The following SMAD9 variants were observed in gnomAD, a reference collection of about 807,000 sequenced individuals.
SMAD9 encodes MAD homolog 9.
Under a neutral mutation model 46.1 loss-of-function variants are expected in SMAD9, and 36 were observed. The observed-to-expected ratio is 0.78, with a 90% CI of 0.60 to 1.03. The LOEUF is 1.03. SMAD9 is among the 50% of genes least tolerant of loss of function. The probability of loss-of-function intolerance (pLI) is 0.00; values close to 1 mark genes in which losing one functional copy is unlikely to be tolerated. For missense variants in SMAD9, 572 were observed against 599.8 expected (o/e 0.95, Z 0.48); for synonymous variants, 245 against 237.1 (o/e 1.03, Z -0.31).
chr13:36,869,860 G>A lies in SMAD9; in HGVS notation c.671-2477C>T, dbSNP rs542257053. Among the ~76,000 whole-genome samples, 341 of 151,972 alleles carry A rather than the reference G, an allele frequency of 2.2e-3. 1 individual carries two copies. The highest frequency in any genetic ancestry group is 8.0e-3 in the African/African-American group (331 of 41,470). On this transcript the variant is annotated intron_variant, in intron 3 of 6. Coordinates refer to ENST00000379826, the MANE Select transcript of SMAD9 (RefSeq NM_001127217.3). Reference sequence around the variant, plus strand: ...AAAAAAATGGTTAAACAAATTTTGTGTTAGATATATTTCACCACTACTTGA... The same window carrying A: ...AAAAAAATGGTTAAACAAATTTTGTATTAGATATATTTCACCACTACTTGA...
At position 36,920,190 on chromosome 13, in the gene SMAD9, G is replaced by GGCA. The variant is rs1321757635; in HGVS notation, c.-262_-261insTGC. The GGCA allele has an allele frequency of 3.0e-4, 8 of 27,092 alleles. No homozygotes were observed. Among genetic ancestry groups the GGCA allele is most frequent in the African/African-American group, 7.5e-4 (8 of 10,730 alleles). 1.7% of individuals were successfully genotyped at this position (27,092 alleles called of 1,614,324 possible). A position where few individuals can be genotyped will look rare whatever the true frequency, so the allele number is the denominator to read the frequency against. On this transcript the variant is annotated 5_prime_UTR_variant, in exon 1 of 7. Transcript: ENST00000379826. ...GGACCGAGACAGCGGCTGCAGCAGC[G>GGCA]GCGGCGGCGGCGGCGGCGGCGGCGG...
At position 36,845,855 on chromosome 13, in the gene SMAD9, T is replaced by C. The variant is rs2058035392; in HGVS notation, c.*2821A>G. On this transcript the variant is annotated 3_prime_UTR_variant, in exon 7 of 7. Coordinates refer to ENST00000379826, the MANE Select transcript of SMAD9 (RefSeq NM_001127217.3). ...GCTTTTGATGAGACATGACTGGTGATGATCATATGTGCCAATTTAATAATT... is the reference window on the plus strand; with the variant it reads ...GCTTTTGATGAGACATGACTGGTGACGATCATATGTGCCAATTTAATAATT... 2 of 152,238 alleles carry C rather than the reference T, an allele frequency of 1.3e-5. No homozygotes were observed. Among genetic ancestry groups the C allele is most frequent in the South Asian group, 4.1e-4 (2 of 4,834 alleles). The allele number at this position is 152,238 out of a possible 1,614,324, so 9.4% of individuals were successfully genotyped here.
chr13:36,888,943 G>C (rs899330430), intron 1 of SMAD9, among the ~76,000 whole-genome samples: 14 of 152,088 alleles, frequency 9.2e-5, no homozygotes, highest in Non-Finnish European at 1.3e-4. Flanking sequence ...AGGGAACATG[G>C]CCAGAGGAGA....
intron 1 of SMAD9, among the ~76,000 whole-genome samples, chr13:36,888,712 A>G (rs1479636488): frequency 6.6e-6 from 1 of 152,150 alleles, no homozygotes; most frequent in African/African-American, 2.4e-5. Flanking sequence ...ACACTCCTAA[A>G]TATGTTTTGT....
In SMAD9 at chr13:36,920,203, G is replaced by GCGGCGGCGGTCC; in HGVS notation, c.-275_-274insGGACCGCCGCCG. On this transcript the variant is annotated 5_prime_UTR_variant, in exon 1 of 7. Coordinates refer to ENST00000379826, the MANE Select transcript of SMAD9 (RefSeq NM_001127217.3). ...GGCTGCAGCAGCGGCGGCGGCGGCG[G>GCGGCGGCGGTCC]CGGCGGCGGCGGCCCCAGCCGGCGT... 1 of 164,926 alleles carries GCGGCGGCGGTCC rather than the reference G, an allele frequency of 6.1e-6. No homozygotes were observed. Among genetic ancestry groups the GCGGCGGCGGTCC allele is most frequent in the Non-Finnish European group, 1.2e-5 (1 of 80,402 alleles). The allele number at this position is 164,926 out of a possible 1,614,324, so 10.2% of individuals were successfully genotyped here.
At chr13:36,911,389 A>C (rs1321470704) in intron 1 of SMAD9, among the ~76,000 whole-genome samples, 1 of 152,152 alleles carries the variant, frequency 6.6e-6, no homozygotes, top group Non-Finnish European at 1.5e-5. Context: ...CAATACAATA[A>C]ATTTCTTTGA....
Position 36,845,905 on chromosome 13 carries a change from C to T in SMAD9, c.*2771G>A, listed in dbSNP as rs931376176. On this transcript the variant is annotated 3_prime_UTR_variant, in exon 7 of 7. Coordinates refer to ENST00000379826, the MANE Select transcript of SMAD9 (RefSeq NM_001127217.3). Reference sequence around the variant, plus strand: ...TTATTTGTCACAGAAAATTCAGATTCACTGCAATATTGTGTTCTGGCTTCC... The same window carrying T: ...TTATTTGTCACAGAAAATTCAGATTTACTGCAATATTGTGTTCTGGCTTCC... 12 of 152,110 alleles carry T rather than the reference C, an allele frequency of 7.9e-5. No homozygotes were observed. The highest frequency in any genetic ancestry group is 2.7e-4 in the African/African-American group (11 of 41,420). The allele number at this position is 152,110 out of a possible 1,614,324, so 9.4% of individuals were successfully genotyped here.
intron 1 of SMAD9, among the ~76,000 whole-genome samples, chr13:36,880,855 C>T (rs1451636999): frequency 2.0e-5 from 3 of 151,834 alleles, no homozygotes; most frequent in African/African-American, 4.8e-5. Context: ...TATGTTAATA[C>T]AGTTTTTTTA....
At chr13:36,855,580 G>A (rs1391914960) in intron 5 of SMAD9, among the ~76,000 whole-genome samples, 4 of 152,162 alleles carry the variant, frequency 2.6e-5, no homozygotes, top group African/African-American at 9.7e-5. Context: ...TATATTTGGG[G>A]TCTAATTGTG....
chr13:36,876,396 T>C (rs2058345642), intron 2 of SMAD9, among the ~76,000 whole-genome samples: 2 of 152,194 alleles, frequency 1.3e-5, no homozygotes, highest in South Asian at 4.1e-4. Context: ...CCACCAGAAC[T>C]GTGCCAGGTA....
chr13:36,894,612 C>T (rs746439175), intron 1 of SMAD9, among the ~76,000 whole-genome samples: 5 of 152,108 alleles, frequency 3.3e-5, no homozygotes, highest in Non-Finnish European at 5.9e-5. Flanking sequence ...TTCCTGGCTC[C>T]GTATCTTCAT....
intron 1 of SMAD9, among the ~76,000 whole-genome samples, chr13:36,902,708 G>A (rs79700553): frequency 0.02 from 3,058 of 152,152 alleles, 43 homozygotes; most frequent in Non-Finnish European, 0.032. Flanking sequence ...CGCTCATCTC[G>A]GCCTCCCAAA....
chr13:36,900,462 G>A (rs1380574144), intron 1 of SMAD9, among the ~76,000 whole-genome samples: 1 of 151,862 alleles, frequency 6.6e-6, no homozygotes. Context: ...TGTATTTTTA[G>A]TAGAGATGGG....
chr13:36,852,061 T>A, intron 6 of SMAD9: 1 of 969,880 alleles, frequency 1.0e-6, no homozygotes, highest in Non-Finnish European at 1.2e-6. Context: ...TTTGTTAATA[T>A]AACTTTATAA....
intron 1 of SMAD9, among the ~76,000 whole-genome samples, chr13:36,881,153 A>G (rs1241486682): frequency 2.0e-5 from 3 of 152,192 alleles, no homozygotes; most frequent in African/African-American, 4.8e-5. Flanking sequence ...CCAGTTATTC[A>G]GCAGTCTCAT....
At chr13:36,916,252 G>A (rs9603115) in intron 1 of SMAD9, among the ~76,000 whole-genome samples, 1 of 152,234 alleles carries the variant, frequency 6.6e-6, no homozygotes, top group Non-Finnish European at 1.5e-5. Context: ...AATCACATTA[G>A]TGTTTCATTG....
At position 36,919,502 on chromosome 13, in the gene SMAD9, A is replaced by G. The variant is rs543195445; in HGVS notation, c.-187+614T>C. Among the ~76,000 whole-genome samples, 357 of 152,286 alleles carry G rather than the reference A, an allele frequency of 2.3e-3. 2 individuals carry two copies. The highest frequency in any genetic ancestry group is 8.2e-3 in the African/African-American group (341 of 41,572). ...TGCCTCAAAGGTAAACAAAGCAAAA[A>G]GCCTACGAAACAGAAGGCAAGTGAG... On this transcript the variant is annotated intron_variant, in intron 1 of 6. Transcript: ENST00000379826.
chr13:36,888,829 G>A (rs549161699), intron 1 of SMAD9, among the ~76,000 whole-genome samples: 2 of 152,242 alleles, frequency 1.3e-5, no homozygotes, highest in South Asian at 2.1e-4. Flanking sequence ...TAACTTGATC[G>A]TCCTTTGAAC....
chr13:36,888,564 T>A (rs1361536898), intron 1 of SMAD9, among the ~76,000 whole-genome samples: 1 of 152,096 alleles, frequency 6.6e-6, no homozygotes, highest in Non-Finnish European at 1.5e-5. Context: ...CAGAGCTGGA[T>A]AAAGAGGCAG....
Sources: gnomAD v4.1 joint callset for allele counts (sites outside exome capture counted in the v4.1 genomes callset) on GRCh38, gnomAD v4.1.1 for gene constraint, MANE v1.5 for transcripts, NCBI Gene and HGNC (gene_info 2026-07-23, HGNC 2026-07-21) for gene names.